Variants in EMID1 observed in about 807,000 individuals in gnomAD.
The protein encoded by EMID1 is EMI domain-containing protein 1.
A neutral mutation model predicts 60.6 loss-of-function variants in EMID1; 40 were observed. The ratio of observed to expected loss-of-function variants is 0.66; its 90% CI spans 0.51 to 0.86. The LOEUF (loss-of-function observed/expected upper bound fraction) is 0.86, where lower values mean the gene tolerates loss of function less well. EMID1 is among the 40% of genes least tolerant of loss of function. EMID1 has a pLI of 0.00. For missense variants in EMID1, 585 were observed against 597.1 expected (o/e 0.98, Z 0.21); for synonymous variants, 242 against 231.0 (o/e 1.05, Z -0.43).
rs528076319 is a variant in EMID1 at position 29,210,709 on chromosome 22, A to G, written c.102-4217A>G. On this transcript the variant is annotated intron_variant, in intron 1 of 14. Transcript: ENST00000334018. Reference sequence around the variant, plus strand: ...ATGGTAGAGATTTTAATTAAGGAAGAAGAAGGAAAAATACTGTTTTTTTTC... The same window carrying G: ...ATGGTAGAGATTTTAATTAAGGAAGGAGAAGGAAAAATACTGTTTTTTTTC... Among the ~76,000 whole-genome samples, 3 of 152,304 alleles carry G rather than the reference A, an allele frequency of 2.0e-5. No individual in the cohort carries two copies. In the East Asian group the frequency reaches 5.8e-4, roughly 29 times the overall value.
At chr22:29,211,083 A>C (rs1407225695) in intron 1 of EMID1, among the ~76,000 whole-genome samples, 1 of 152,122 alleles carries the variant, frequency 6.6e-6, no homozygotes, top group Non-Finnish European at 1.5e-5. Flanking sequence ...GCGAGAGGGC[A>C]TGCGTGTGTG....
chr22:29,251,009 AG>A, intron 13 of EMID1, among the ~76,000 whole-genome samples: 1 of 150,984 alleles, frequency 6.6e-6, no homozygotes, highest in East Asian at 2.0e-4. Flanking sequence ...CCTCGACCTC[AG>A]GGGCCCAAGC....
chr22:29,217,945 G>A (rs1466806444), intron 3 of EMID1, among the ~76,000 whole-genome samples: 3 of 152,218 alleles, frequency 2.0e-5, no homozygotes, highest in Admixed American at 6.5e-5. Flanking sequence ...AGGGCCAACA[G>A]GACCCAGGGC....
chr22:29,215,643 G>C lies in EMID1; in HGVS notation c.319+13G>C. The C allele has an allele frequency of 6.2e-7, 1 of 1,611,848 alleles. No homozygotes were observed. Among genetic ancestry groups the C allele is most frequent in the Non-Finnish European group, 8.5e-7 (1 of 1,178,146 alleles). ...AGCTGCGAGGAAGGTAGGACTGCCC[G>C]GCCGGCTCCCGGAGCCCTGCGACAG... On this transcript the variant is annotated intron_variant, in intron 3 of 14. Transcript: ENST00000334018.
chr22:29,250,286 A>G (rs4820801), intron 13 of EMID1, among the ~76,000 whole-genome samples: 87,746 of 151,658 alleles, frequency 0.58, 25,584 homozygotes, highest in Middle Eastern at 0.65. Context: ...CCAAAATATA[A>G]TCAAGGTTCT....
chr22:29,241,288 G>A (rs896666860), intron 12 of EMID1, among the ~76,000 whole-genome samples: 1 of 152,148 alleles, frequency 6.6e-6, no homozygotes, highest in Admixed American at 6.5e-5. Context: ...GGGGGCAATC[G>A]TTTGCCTATG....
At chr22:29,254,416 T>G in intron 14 of EMID1, 129 bp downstream of exon 14, 1 of 871,970 alleles carries the variant, frequency 1.1e-6, no homozygotes, top group Non-Finnish European at 1.9e-6. Flanking sequence ...CAGGCAAGCA[T>G]GGACCTGAGA....
rs1281421341 is a variant in EMID1, at chr22:29,259,054, C to T, written c.*110C>T. The T allele has an allele frequency of 8.1e-6, 12 of 1,490,680 alleles. No homozygotes were observed. The East Asian group carries it at 2.7e-4, about 34-fold the overall frequency. 92.3% of individuals were successfully genotyped at this position (1,490,680 alleles called of 1,614,324 possible). On this transcript the variant is annotated 3_prime_UTR_variant, in exon 15 of 15. Transcript: ENST00000334018. ...CATATTTATTAATGTCCTCAGGGTC[C>T]CTTCTGCCATCTAGGCCTTAGGGGT...
intron 3 of EMID1, among the ~76,000 whole-genome samples, chr22:29,216,151 G>T (rs576079353): frequency 2.6e-5 from 4 of 152,272 alleles, no homozygotes; most frequent in African/African-American, 9.6e-5. Flanking sequence ...CTGGGCCCTT[G>T]TGTGCAGAGC....
At chr22:29,223,188 A>G (rs571799374) in intron 3 of EMID1, among the ~76,000 whole-genome samples, 2 of 152,304 alleles carry the variant, frequency 1.3e-5, no homozygotes, top group Non-Finnish European at 2.9e-5. Flanking sequence ...TCCCTGCCCT[A>G]GTGGGGCTGA....
chr22:29,215,615 G>A lies in EMID1; in HGVS notation c.304G>A (p.Val102Met). The A allele has an allele frequency of 6.2e-7, 1 of 1,614,066 alleles. No homozygotes were observed. The highest frequency in any genetic ancestry group is 1.3e-5 in the African/African-American group (1 of 75,054). ...GAGGTGCTGCCCTGGGCACTCAGGA[G>A]TGAGCTGCGAGGAAGGTAGGACTGC... The part of the protein sequence containing the change: ...EWRCCPGHSG[V>M]SCEEVAASSA... Residue 102 changes from valine to methionine, a missense_variant, in exon 3 of 15, where the codon GTG (valine) becomes ATG (methionine). Physicochemically the swap from Val to Met is conservative, Grantham distance 21. Coordinates refer to ENST00000334018, the MANE Select transcript of EMID1 (RefSeq NM_133455.4).
At chr22:29,220,511 G>C (rs560332889) in intron 3 of EMID1, among the ~76,000 whole-genome samples, 2 of 152,130 alleles carry the variant, frequency 1.3e-5, no homozygotes, top group South Asian at 4.2e-4. Context: ...CTGGACTGGG[G>C]CTGGGAAGGC....
intron 1 of EMID1, 76 bp downstream of exon 1, chr22:29,206,215 C>T: frequency 2.7e-6 from 3 of 1,123,732 alleles, no homozygotes; most frequent in Non-Finnish European, 3.4e-6. Flanking sequence ...CCAGGAAGGG[C>T]TGGGATTGGA....
intron 1 of EMID1, 141 bp downstream of exon 1, chr22:29,206,280 C>A (rs2039649081): frequency 3.1e-6 from 2 of 649,742 alleles, no homozygotes; most frequent in Admixed American, 4.5e-5. Context: ...TCCCGCGGTC[C>A]GGCTGAGGCT....
chr22:29,234,293 C>T lies in EMID1; in HGVS notation c.1030-12C>T, dbSNP rs1318527503. ...AACAGCTGACGCCATTCGTCTCCTCCCTCTTACACAGGGACTGCGTGGGGA... is the reference window on the plus strand; with the variant it reads ...AACAGCTGACGCCATTCGTCTCCTCTCTCTTACACAGGGACTGCGTGGGGA... On this transcript the variant is annotated splice_polypyrimidine_tract_variant and intron_variant, in intron 11 of 14. Transcript: ENST00000334018. 1.1e-5 allele frequency: 18 copies of T among 1,613,904 alleles called. No homozygotes were observed. Among genetic ancestry groups the T allele is most frequent in the East Asian group, 4.5e-5 (2 of 44,888 alleles).
chr22:29,248,259 C>CTT (rs33924066), intron 13 of EMID1, among the ~76,000 whole-genome samples: 8 of 116,058 alleles, frequency 6.9e-5, no homozygotes, highest in Admixed American at 2.0e-4. Context: ...GTGCCTGGCC[C>CTT]TTTTTTTTTT....
chr22:29,227,736 G>T (rs1023992333), intron 5 of EMID1, among the ~76,000 whole-genome samples: 1 of 149,370 alleles, frequency 6.7e-6, no homozygotes, highest in African/African-American at 2.5e-5. Context: ...AACAAATTAG[G>T]CCAGGCGCAG....
chr22:29,240,792 C>G (rs2041126909), intron 12 of EMID1, among the ~76,000 whole-genome samples: 1 of 152,236 alleles, frequency 6.6e-6, no homozygotes, highest in South Asian at 2.1e-4. Flanking sequence ...GGGGCCTTCA[C>G]AGCCTCCATA....
At position 29,227,045 on chromosome 22, in the gene EMID1, A is replaced by T. The variant is rs199980300; in HGVS notation, c.465+494A>T. Among the ~76,000 whole-genome samples the T allele has an allele frequency of 2.6e-5, 4 of 151,778 alleles. No homozygotes were observed. In the East Asian group the frequency reaches 7.8e-4, roughly 30 times the overall value. ...ATCTTCCTGGTTTCAAAAACAAAAC[A>T]TCTATCACACATCTCAAATTATTTC... On this transcript the variant is annotated intron_variant, in intron 5 of 14. Coordinates refer to ENST00000334018, the MANE Select transcript of EMID1 (RefSeq NM_133455.4).
Sources: allele counts gnomAD v4.1 joint callset (sites outside exome capture counted in the v4.1 genomes callset), GRCh38; gene constraint gnomAD v4.1.1; transcripts MANE v1.5; gene names NCBI Gene and HGNC (gene_info 2026-07-23, HGNC 2026-07-21).